The following MKLN1 variants were observed in gnomAD, a reference collection of about 807,000 sequenced individuals.
The protein encoded by MKLN1 is muskelin 1, also known as muskelin.
MKLN1 carries 18 observed loss-of-function variants against 99.0 expected under a neutral mutation model. The ratio of observed to expected loss-of-function variants is 0.18; its 90% CI spans 0.13 to 0.27. The LOEUF (loss-of-function observed/expected upper bound fraction) is 0.27, where lower values mean the gene tolerates loss of function less well. Ranked by LOEUF, MKLN1 falls within the 10% of genes least tolerant of loss-of-function variation. MKLN1 has a pLI of 1.00. For synonymous variants in MKLN1, 288 were observed against 293.2 expected, an observed-to-expected ratio of 0.98 and a Z score of 0.18; for missense variants, 621 against 875.9, an observed-to-expected ratio of 0.71 and a Z score of 3.67.
At chr7:131,471,122 G>C (rs1230951114) in intron 16 of MKLN1, 178 bp downstream of exon 16, 2 of 513,994 alleles carry the variant, frequency 3.9e-6, no homozygotes, top group Non-Finnish European at 6.9e-6. Flanking sequence ...ATGTTTTCGT[G>C]TGATAAGATT....
rs532152014 is a variant in MKLN1 at position 131,371,901 on chromosome 7, A to G, written c.99-3523A>G. Among the ~76,000 whole-genome samples the G allele has an allele frequency of 1.9e-4, 29 of 151,866 alleles. No individual in the cohort carries two copies. The South Asian group carries it at 6.0e-3, about 32-fold the overall frequency. ...ATTACAGCTGACAAATTATGTTACC[A>G]TCGAATTTCTTTTTTAGAGACAGGG... is the stretch of plus-strand genomic sequence containing the variant. On this transcript the variant is annotated intron_variant, in intron 1 of 17. Transcript: ENST00000352689.
At chr7:131,232,121 T>C (rs1433937550) in intron 3 of MKLN1, among the ~76,000 whole-genome samples, 1 of 152,198 alleles carries the variant, frequency 6.6e-6, no homozygotes, top group Non-Finnish European at 1.5e-5. Flanking sequence ...CCTACCTCCA[T>C]ATAAAAATTT....
At chr7:131,186,624 G>T (rs1472964807) in intron 2 of MKLN1, among the ~76,000 whole-genome samples, 1 of 152,146 alleles carries the variant, frequency 6.6e-6, no homozygotes, top group Non-Finnish European at 1.5e-5. Context: ...TTACTTTACT[G>T]TCACTGTTTT....
chr7:131,189,161 A>G (rs1796494733), intron 2 of MKLN1, among the ~76,000 whole-genome samples: 1 of 152,202 alleles, frequency 6.6e-6, no homozygotes, highest in Admixed American at 6.5e-5. Context: ...CAGACCTACA[A>G]TATTCTGGCT....
chr7:131,313,858 G>A (rs546651821), intron 3 of MKLN1, among the ~76,000 whole-genome samples: 2 of 152,358 alleles, frequency 1.3e-5, no homozygotes, highest in South Asian at 4.1e-4. Flanking sequence ...GTGAAAAGCA[G>A]ATGCAATTGA....
intron 13 of MKLN1, 89 bp downstream of exon 13, chr7:131,463,453 A>G: frequency 7.5e-7 from 1 of 1,325,330 alleles, no homozygotes; most frequent in Non-Finnish European, 1.1e-6. Flanking sequence ...TGAGAGTATT[A>G]CGTTAATTTG....
Position 131,196,448 on chromosome 7 carries a change from T to G in MKLN1, c.-296-6409T>G, listed in dbSNP as rs190865352. ...AGGAAAAAAGGCTGAACAACCTTTTTAGGCCAAATCTACTTATTTATTTAT... is the reference window on the plus strand; with the variant it reads ...AGGAAAAAAGGCTGAACAACCTTTTGAGGCCAAATCTACTTATTTATTTAT... On this transcript the variant is annotated intron_variant, in intron 2 of 7. Coordinates refer to the MKLN1 transcript ENST00000416992. Among the ~76,000 whole-genome samples the G allele has an allele frequency of 1.3e-3, 196 of 152,362 alleles. 1 individual carries two copies. The highest frequency in any genetic ancestry group is 4.5e-3 in the African/African-American group (188 of 41,590).
At chr7:131,323,304 A>G (rs1257634067), upstream of MKLN1, 1 of 152,192 alleles carries the variant, frequency 6.6e-6, no homozygotes, top group Non-Finnish European at 1.5e-5. Context: ...GAGGGTCTGG[A>G]GGTGAAAGGG....
intron 1 of MKLN1, among the ~76,000 whole-genome samples, chr7:131,122,591 G>C (rs944271423): frequency 1.3e-5 from 2 of 152,142 alleles, no homozygotes; most frequent in African/African-American, 4.8e-5. Flanking sequence ...CTACAGTTCT[G>C]TAATACACTG....
chr7:131,307,906 T>G (rs915322787), intron 3 of MKLN1, among the ~76,000 whole-genome samples: 1 of 152,132 alleles, frequency 6.6e-6, no homozygotes, highest in Non-Finnish European at 1.5e-5. Flanking sequence ...GGACATGAAA[T>G]TGGGGAGGGG....
intron 3 of MKLN1, among the ~76,000 whole-genome samples, chr7:131,229,369 C>T (rs1418349682): frequency 6.6e-6 from 1 of 151,830 alleles, no homozygotes; most frequent in Non-Finnish European, 1.5e-5. Flanking sequence ...CCCCCACACC[C>T]GATTGGTTGA....
At chr7:131,266,250 T>TATG (rs1171323162) in intron 3 of MKLN1, among the ~76,000 whole-genome samples, 1 of 150,536 alleles carries the variant, frequency 6.6e-6, no homozygotes, top group Non-Finnish European at 1.5e-5. Context: ...CTGGAAAGAA[T>TATG]ATGGTAGAGA....
At chr7:131,419,482 T>A (rs560791624) in intron 8 of MKLN1, among the ~76,000 whole-genome samples, 2 of 151,984 alleles carry the variant, frequency 1.3e-5, no homozygotes, top group Non-Finnish European at 2.9e-5. Flanking sequence ...CCTCAGGTGA[T>A]CATCCTGCCT....
chr7:131,272,133 A>G (rs577464370), intron 3 of MKLN1, among the ~76,000 whole-genome samples: 9 of 152,168 alleles, frequency 5.9e-5, no homozygotes, highest in Non-Finnish European at 1.3e-4. Context: ...CTGGAAGCGA[A>G]GGCCTCTGAA....
At chr7:131,131,900 T>G (rs1016025474) in intron 1 of MKLN1, among the ~76,000 whole-genome samples, 7 of 152,166 alleles carry the variant, frequency 4.6e-5, no homozygotes, top group Non-Finnish European at 7.3e-5. Flanking sequence ...CACTTCGCAG[T>G]GCAGGTAGTA....
At chr7:131,410,147 G>C (rs1005883362) in intron 6 of MKLN1, among the ~76,000 whole-genome samples, 1 of 152,088 alleles carries the variant, frequency 6.6e-6, no homozygotes. Flanking sequence ...GTGGGGGGAT[G>C]TATGTAGGGA....
intron 1 of MKLN1, among the ~76,000 whole-genome samples, chr7:131,367,955 C>T (rs1246489395): frequency 6.6e-6 from 1 of 152,174 alleles, no homozygotes; most frequent in Non-Finnish European, 1.5e-5. Context: ...AAGAGGTTAA[C>T]ATCTCTCACT....
chr7:131,322,135 TTTTC>T (rs1316145869), intron 3 of MKLN1, among the ~76,000 whole-genome samples: 1 of 152,188 alleles, frequency 6.6e-6, no homozygotes, highest in African/African-American at 2.4e-5. Flanking sequence ...GGATGGGGTG[TTTTC>T]TTTGTTTTTG....
chr7:131,468,749 C>A (rs1796727422), intron 15 of MKLN1, among the ~76,000 whole-genome samples: 1 of 152,118 alleles, frequency 6.6e-6, no homozygotes, highest in Non-Finnish European at 1.5e-5. Flanking sequence ...GCTGCAGACA[C>A]AAGTCTGTGA....
Sources: allele counts gnomAD v4.1 joint callset (sites outside exome capture counted in the v4.1 genomes callset), GRCh38; gene constraint gnomAD v4.1.1; transcripts MANE v1.5; gene names NCBI Gene and HGNC (gene_info 2026-07-23, HGNC 2026-07-21).